The following EVI5 variants were observed in gnomAD, a reference collection of about 807,000 sequenced individuals.
The protein encoded by EVI5 is ecotropic viral integration site 5.
Under a neutral mutation model 112.0 loss-of-function variants are expected in EVI5, and 73 were observed. That is an observed-to-expected ratio of 0.65 (90% CI 0.54 to 0.79). The LOEUF is 0.79. Among genes scored for constraint, EVI5 ranks in the 30% least tolerant of loss-of-function variants. The probability of loss-of-function intolerance (pLI) is 0.00; values close to 1 mark genes in which losing one functional copy is unlikely to be tolerated. For missense variants in EVI5, 900 were observed against 968.8 expected (o/e 0.93, Z 0.94); for synonymous variants, 305 against 319.9 (o/e 0.95, Z 0.50).
chr1:92,575,259 G>A (rs370131309), intron 18 of EVI5, among the ~76,000 whole-genome samples: 40 of 152,064 alleles, frequency 2.6e-4, no homozygotes, highest in African/African-American at 8.7e-4. Context: ...ACATATGTGT[G>A]CACACACACA....
At chr1:92,635,844 A>T (rs1020337312) in intron 14 of EVI5, among the ~76,000 whole-genome samples, 2 of 152,144 alleles carry the variant, frequency 1.3e-5, no homozygotes, top group African/African-American at 4.8e-5. Context: ...GTCCTATTCT[A>T]TCTCTTCCAC....
At chr1:92,553,297 A>ATTTTTTTT (rs147973775) in intron 19 of EVI5, among the ~76,000 whole-genome samples, 4 of 74,216 alleles carry the variant, frequency 5.4e-5, no homozygotes, top group African/African-American at 5.8e-5. Flanking sequence ...CACCTGGCCA[A>ATTTTTTTT]TTTTTTTTTT....
chr1:92,646,065 T>C (rs1660900829), intron 13 of EVI5, among the ~76,000 whole-genome samples: 1 of 152,234 alleles, frequency 6.6e-6, no homozygotes, highest in African/African-American at 2.4e-5. Context: ...CACAGGGACT[T>C]TACACGTTCT....
chr1:92,551,228 T>A (rs1301091441), intron 19 of EVI5, among the ~76,000 whole-genome samples: 1 of 151,680 alleles, frequency 6.6e-6, no homozygotes, highest in Non-Finnish European at 1.5e-5. Flanking sequence ...AGACAGGGTT[T>A]CTCCATGTTG....
chr1:92,592,112 A>G (rs1286726357), intron 18 of EVI5, among the ~76,000 whole-genome samples: 1 of 152,206 alleles, frequency 6.6e-6, no homozygotes, highest in Admixed American at 6.5e-5. Context: ...GCGTGGTAGC[A>G]GGTGCCTGCA....
intron 10 of EVI5, among the ~76,000 whole-genome samples, chr1:92,672,474 T>C (rs1666036115): frequency 6.6e-6 from 1 of 152,202 alleles, no homozygotes. Flanking sequence ...AGGTCTTTTT[T>C]CAAAAATCAC....
chr1:92,735,753 TATA>T (rs987426504), intron 2 of EVI5, among the ~76,000 whole-genome samples: 9 of 143,828 alleles, frequency 6.3e-5, no homozygotes, highest in Non-Finnish European at 9.1e-5. Context: ...CATATTAAAA[TATA>T]ATATGATATA....
chr1:92,788,476 AAAAACAAAAC>A (rs542746642), upstream of EVI5, among the ~76,000 whole-genome samples: 17 of 147,268 alleles, frequency 1.2e-4, no homozygotes, highest in Middle Eastern at 3.3e-3. Flanking sequence ...ACTCCATCTC[AAAAACAAAAC>A]AAAACAAAAC....
intron 18 of EVI5, among the ~76,000 whole-genome samples, chr1:92,585,852 G>GTT (rs74771891): frequency 4.1e-4 from 57 of 140,736 alleles, no homozygotes; most frequent in Middle Eastern, 7.6e-3. Flanking sequence ...TTTTTAACCT[G>GTT]TTTTTTTTTT....
chr1:92,760,661 G>A (rs1310827838), intron 1 of EVI5, among the ~76,000 whole-genome samples: 1 of 151,746 alleles, frequency 6.6e-6, no homozygotes, highest in Non-Finnish European at 1.5e-5. Flanking sequence ...TTGAACCCAG[G>A]AGGCGGAGGT....
chr1:92,650,715 T>C (rs965513939), intron 13 of EVI5, among the ~76,000 whole-genome samples: 3 of 152,148 alleles, frequency 2.0e-5, no homozygotes, highest in Non-Finnish European at 4.4e-5. Flanking sequence ...CCTGATTAAA[T>C]AATTTCTTAA....
intron 19 of EVI5, among the ~76,000 whole-genome samples, chr1:92,521,675 G>C (rs1660959316): frequency 6.7e-6 from 1 of 149,344 alleles, no homozygotes. Flanking sequence ...CTGGGCGACA[G>C]AGTGAGACTC....
At chr1:92,738,434 C>A (rs1379253002) in intron 1 of EVI5, among the ~76,000 whole-genome samples, 1 of 152,128 alleles carries the variant, frequency 6.6e-6, no homozygotes, top group Non-Finnish European at 1.5e-5. Context: ...AATATACTTA[C>A]AATTTTCAAT....
chr1:92,693,674 T>C (rs1669845326), intron 9 of EVI5, 128 bp downstream of exon 9: 4 of 609,242 alleles, frequency 6.6e-6, no homozygotes, highest in Middle Eastern at 8.7e-4. Context: ...CAACATTAGC[T>C]TTATGCTATA....
In EVI5 at chr1:92,694,376, C is replaced by T. The variant is rs1386718559; in HGVS notation, c.922G>A (p.Val308Met). 6 of 1,592,266 alleles carry T rather than the reference C, an allele frequency of 3.8e-6. No homozygotes were observed. The highest frequency in any genetic ancestry group is 5.2e-6 in the Non-Finnish European group (6 of 1,164,950). Residue 308 changes from valine (V) to methionine (M), a missense_variant, in exon 8 of 20, where the codon GTG becomes ATG. Transcript: ENST00000684568. ...AGAAGTGCTAATCCTACACGAAACA[C>T]TATTTCTAAACCCTGAGGAAACAAA... ...DIFMSEGLEIVFRVGLALLQM... is the reference protein window; with the variant it reads ...DIFMSEGLEIMFRVGLALLQM...
In EVI5 at chr1:92,624,282, G is replaced by C; in HGVS notation, c.1721C>G (p.Ala574Gly). 1 of 1,613,226 alleles carries C rather than the reference G, an allele frequency of 6.2e-7. No individual in the cohort carries two copies. The highest frequency in any genetic ancestry group is 8.5e-7 in the Non-Finnish European group (1 of 1,179,318). Reference sequence around the variant, plus strand: ...CAGTTCATCTTGTAACTCATTCATAGCATTTTTCTTGGGTGGGTCTTTCCA... The same window carrying C: ...CAGTTCATCTTGTAACTCATTCATACCATTTTTCTTGGGTGGGTCTTTCCA... The part of the protein sequence containing the change: ...GRWKDPPKKN[A>G]MNELQDELMT... The change falls in exon 16 of 20, where the codon GCT (alanine) becomes GGT (glycine). Residue 574 changes from alanine (A) to glycine (G), a missense_variant. Transcript: ENST00000684568.
chr1:92,536,227 G>C (rs1391695355), intron 19 of EVI5, among the ~76,000 whole-genome samples: 1 of 152,138 alleles, frequency 6.6e-6, no homozygotes, highest in Non-Finnish European at 1.5e-5. Context: ...TCAATAAAGA[G>C]ATCGGATTTT....
intron 9 of EVI5, among the ~76,000 whole-genome samples, chr1:92,689,500 C>A (rs1669120141): frequency 6.6e-6 from 1 of 151,996 alleles, no homozygotes; most frequent in African/African-American, 2.4e-5. Flanking sequence ...GTAGCTGGGA[C>A]CACAGGTGTG....
chr1:92,690,644 C>A (rs1304347325), intron 9 of EVI5, among the ~76,000 whole-genome samples: 3 of 152,240 alleles, frequency 2.0e-5, no homozygotes, highest in African/African-American at 7.2e-5. Flanking sequence ...GCCACTGTGC[C>A]TGGCCCTCAA....
Sources: allele counts gnomAD v4.1 joint callset (sites outside exome capture counted in the v4.1 genomes callset), GRCh38; gene constraint gnomAD v4.1.1; transcripts MANE v1.5; gene names NCBI Gene and HGNC (gene_info 2026-07-23, HGNC 2026-07-21).